The following SLC37A3 variants were observed in gnomAD, a reference collection of about 807,000 sequenced individuals.
The protein encoded by SLC37A3 is solute carrier family 37 member 3.
A neutral mutation model predicts 67.1 loss-of-function variants in SLC37A3; 51 were observed. That is an observed-to-expected ratio of 0.76 (90% confidence interval 0.61 to 0.96). The LOEUF (loss-of-function observed/expected upper bound fraction) is 0.96. Ranked by LOEUF, SLC37A3 falls within the 40% of genes least tolerant of loss-of-function variation. The pLI is 0.00. For missense variants in SLC37A3, 508 were observed against 603.0 expected (o/e 0.84, Z 1.65); for synonymous variants, 214 against 231.4 (o/e 0.92, Z 0.68).
chr7:140,368,640 A>T (rs1797700990), intron 4 of SLC37A3, among the ~76,000 whole-genome samples: 1 of 152,132 alleles, frequency 6.6e-6, no homozygotes, highest in Admixed American at 6.6e-5. Context: ...CTTCAGACTG[A>T]ACCTACACCT....
Position 140,336,947 on chromosome 7 carries a change from A to T in SLC37A3, c.1392+337T>A, listed in dbSNP as rs1011444290. Among the ~76,000 whole-genome samples the T allele has an allele frequency of 2.0e-5, 3 of 151,910 alleles. No homozygotes were observed. In the East Asian group the frequency reaches 5.8e-4, roughly 29 times the overall value. ...AACCCCATCTCTACTAAAAATACAA[A>T]AATTAGCCGGGTGTGGTGGCAGGCG... On this transcript the variant is annotated intron_variant, in intron 14 of 14. Transcript: ENST00000326232.
At chr7:140,338,485 T>G (rs1413795210) in intron 13 of SLC37A3, among the ~76,000 whole-genome samples, 1 of 152,116 alleles carries the variant, frequency 6.6e-6, no homozygotes, top group East Asian at 1.9e-4. Context: ...ACTCCTTTTT[T>G]TTTGGAGATG....
At chr7:140,360,448 T>A (rs1299415411) in intron 5 of SLC37A3, among the ~76,000 whole-genome samples, 1 of 152,118 alleles carries the variant, frequency 6.6e-6, no homozygotes, top group East Asian at 1.9e-4. Flanking sequence ...TAGTCAGATA[T>A]GGAGGCTGGG....
At chr7:140,358,179 C>A (rs757514191) in intron 6 of SLC37A3, among the ~76,000 whole-genome samples, 2 of 152,064 alleles carry the variant, frequency 1.3e-5, no homozygotes, top group Non-Finnish European at 2.9e-5. Context: ...CTAATTAGAG[C>A]CCTTGTTACA....
chr7:140,338,123 C>T (rs1379669615), intron 13 of SLC37A3, among the ~76,000 whole-genome samples: 1 of 152,140 alleles, frequency 6.6e-6, no homozygotes, highest in Non-Finnish European at 1.5e-5. Flanking sequence ...ATCTCCTGAC[C>T]TTGTGATCCG....
chr7:140,333,957 T>C lies in SLC37A3; in HGVS notation c.*1455A>G, dbSNP rs1796040032. On this transcript the variant is annotated 3_prime_UTR_variant, in exon 15 of 15. Coordinates refer to ENST00000326232, the MANE Select transcript of SLC37A3 (RefSeq NM_207113.3). ...ATTAGGTATCCCTCAAAATTGCACATTCTCCTCCTAGTTTGCTTGCATAAT... is the reference window on the plus strand; with the variant it reads ...ATTAGGTATCCCTCAAAATTGCACACTCTCCTCCTAGTTTGCTTGCATAAT... 6.6e-6 allele frequency: 1 copy of C among 152,632 alleles called. No homozygotes were observed. The highest frequency in any genetic ancestry group is 6.5e-5 in the Admixed American group (1 of 15,274). 9.5% of individuals were successfully genotyped at this position (152,632 alleles called of 1,614,324 possible). A position where few individuals can be genotyped will look rare whatever the true frequency, so the allele number is the denominator to read the frequency against.
chr7:140,338,912 C>G (rs548511052), intron 13 of SLC37A3, among the ~76,000 whole-genome samples: 1 of 151,444 alleles, frequency 6.6e-6, no homozygotes, highest in Non-Finnish European at 1.5e-5. Context: ...GTGCCACCCC[C>G]CGCCCAGCTA....
Position 140,382,469 on chromosome 7 carries a change from G to T in SLC37A3, c.58C>A (p.His20Asn). 1.9e-6 allele frequency: 3 copies of T among 1,614,166 alleles called. No homozygotes were observed. Among genetic ancestry groups the T allele is most frequent in the Non-Finnish European group, 2.5e-6 (3 of 1,180,014 alleles). ...AAAGTGAGCAGGAACACTACAACATGATGATGGCTGAACTGGGACAGCAGA... is the reference window on the plus strand; with the variant it reads ...AAAGTGAGCAGGAACACTACAACATTATGATGGCTGAACTGGGACAGCAGA... ...GSLLSQFSHH[H>N]VVVFLLTFFS... is the part of the protein sequence containing the mutation. Residue 20 changes from histidine to asparagine, a missense_variant, in exon 2 of 15, where the codon CAT (histidine) becomes AAT (asparagine). Transcript: ENST00000326232.
intron 13 of SLC37A3, among the ~76,000 whole-genome samples, chr7:140,342,709 A>G (rs1796405706): frequency 1.3e-5 from 2 of 152,184 alleles, no homozygotes; most frequent in Admixed American, 6.5e-5. Context: ...AAATAATTCT[A>G]AGTATAGTAG....
chr7:140,371,855 CTTTTTT>C (rs759365499), intron 3 of SLC37A3, among the ~76,000 whole-genome samples: 1 of 145,450 alleles, frequency 6.9e-6, no homozygotes, highest in African/African-American at 2.5e-5. Flanking sequence ...GTTTACAGAA[CTTTTTT>C]TTTTTTTGGA....
Position 140,398,474 on chromosome 7 carries a change from G to C in SLC37A3, c.-129C>G, listed in dbSNP as rs1400375365. ...CGGCTCCGCTCGCCGGGTCAGCTTG[G>C]CTCCGCTGCCCGCCTCCCCCGCCGC... is the stretch of plus-strand genomic sequence containing the variant. On this transcript the variant is annotated 5_prime_UTR_variant, in exon 1 of 15. Coordinates refer to ENST00000326232, the MANE Select transcript of SLC37A3 (RefSeq NM_207113.3). 6.6e-6 allele frequency: 1 copy of C among 152,304 alleles called. No individual in the cohort carries two copies. The highest frequency in any genetic ancestry group is 1.5e-5 in the Non-Finnish European group (1 of 68,170). The allele number at this position is 152,304 out of a possible 1,614,324, so 9.4% of individuals were successfully genotyped here.
rs79225801 is a variant in SLC37A3 at position 140,337,268 on chromosome 7, A to G, written c.1392+16T>C. On this transcript the variant is annotated intron_variant, in intron 14 of 14. Coordinates refer to ENST00000326232, the MANE Select transcript of SLC37A3 (RefSeq NM_207113.3). The stretch of plus-strand genomic sequence containing the variant: ...AGAAAAATGACTTTTTTTTTTTTAA[A>G]GGGGCACACACTTACCATGAGAATG... 8.5e-6 allele frequency: 13 copies of G among 1,531,016 alleles called. No individual in the cohort carries two copies. Among genetic ancestry groups the G allele is most frequent in the South Asian group, 3.9e-5 (3 of 77,582 alleles). The allele number at this position is 1,531,016 out of a possible 1,614,324, so 94.8% of individuals were successfully genotyped here.
rs1797640095 is a variant in SLC37A3 at position 140,367,274 on chromosome 7, TA to T, written c.291+2315del. On this transcript the variant is annotated intron_variant, in intron 4 of 14. Coordinates refer to ENST00000326232, the MANE Select transcript of SLC37A3 (RefSeq NM_207113.3). ...CAACACGATGAAACCCCATCTCTAC[TA>T]AAAATACAAACATTAGCTGGGCATG... Among the ~76,000 whole-genome samples, 3 of 151,984 alleles carry T rather than the reference TA, an allele frequency of 2.0e-5. No homozygotes were observed. In the East Asian group the frequency reaches 5.8e-4, roughly 29 times the overall value.
chr7:140,368,092 G>C (rs1425569623), intron 4 of SLC37A3, among the ~76,000 whole-genome samples: 2 of 151,908 alleles, frequency 1.3e-5, no homozygotes, highest in African/African-American at 4.8e-5. Flanking sequence ...AGGATTACAG[G>C]CGTGGGCCAC....
intron 7 of SLC37A3, among the ~76,000 whole-genome samples, chr7:140,354,787 T>C (rs967819363): frequency 4.7e-5 from 7 of 150,384 alleles, no homozygotes; most frequent in Non-Finnish European, 8.9e-5. Context: ...ATCACCAAGA[T>C]TGGAGTGCAG....
intron 5 of SLC37A3, among the ~76,000 whole-genome samples, chr7:140,363,709 AAAAT>A (rs1475511101): frequency 1.4e-3 from 89 of 61,444 alleles, no homozygotes; most frequent in Middle Eastern, 7.9e-3. Context: ...AATAAATAAA[AAAAT>A]AAAAAAAAAA....
intron 4 of SLC37A3, 28 bp from the exon 5 acceptor site, chr7:140,364,519 C>T (rs1482616814): frequency 6.3e-7 from 1 of 1,598,302 alleles, no homozygotes; most frequent in Non-Finnish European, 8.6e-7. Flanking sequence ...TCTTTTACAG[C>T]TCTAAATAAT....
In SLC37A3 at chr7:140,355,648, A is replaced by G. The variant is rs1219402178; in HGVS notation, c.618+20T>C. ...CACAGAGAGAGAGAGAGAGCACCAGAGCTAGAAAACAATACCTACCTCATA... is the reference window on the plus strand; with the variant it reads ...CACAGAGAGAGAGAGAGAGCACCAGGGCTAGAAAACAATACCTACCTCATA... On this transcript the variant is annotated intron_variant, in intron 7 of 14. Coordinates refer to ENST00000326232, the MANE Select transcript of SLC37A3 (RefSeq NM_207113.3). 1.2e-6 allele frequency: 2 copies of G among 1,601,462 alleles called. No individual in the cohort carries two copies. The highest frequency in any genetic ancestry group is 1.7e-6 in the Non-Finnish European group (2 of 1,168,808).
intron 4 of SLC37A3, among the ~76,000 whole-genome samples, chr7:140,367,476 ATAAC>A (rs1490557560): frequency 1.3e-5 from 2 of 152,182 alleles, no homozygotes; most frequent in Non-Finnish European, 2.9e-5. Context: ...ATAAATAAAA[ATAAC>A]TAACCAAATA....
Sources: allele counts gnomAD v4.1 joint callset (sites outside exome capture counted in the v4.1 genomes callset), GRCh38; gene constraint gnomAD v4.1.1; transcripts MANE v1.5; gene names NCBI Gene and HGNC (gene_info 2026-07-23, HGNC 2026-07-21).